RREB1: variants seen among roughly 807,000 people sequenced by gnomAD.
The protein encoded by RREB1 is ras-responsive element-binding protein 1.
In RREB1, 27 loss-of-function variants were observed where a neutral mutation model predicts 117.8. The observed-to-expected ratio is 0.23, with a 90% CI of 0.17 to 0.32. The LOEUF (loss-of-function observed/expected upper bound fraction) is 0.32, where lower values mean the gene tolerates loss of function less well. RREB1 is among the 10% of genes least tolerant of loss of function. The pLI, the probability that RREB1 is intolerant of heterozygous loss-of-function variation, is 1.00. For synonymous variants in RREB1, 1,298 were observed against 1,026.7 expected, an observed-to-expected ratio of 1.26 and a Z score of -5.05; for missense variants, 2,577 against 2,378.2, an observed-to-expected ratio of 1.08 and a Z score of -1.74.
intron 1 of RREB1, among the ~76,000 whole-genome samples, chr6:7,121,971 T>A (rs984296835): frequency 6.6e-6 from 1 of 152,204 alleles, no homozygotes; most frequent in African/African-American, 2.4e-5. Context: ...TTAGGATTTC[T>A]GCTTCCCGAG....
At chr6:7,159,057 A>G (rs1581468167) in intron 1 of RREB1, among the ~76,000 whole-genome samples, 2 of 152,162 alleles carry the variant, frequency 1.3e-5, no homozygotes, top group South Asian at 2.1e-4. Context: ...CCCTCCTTTT[A>G]TAGCCGATTT....
chr6:7,224,292 C>A (rs1767453316), intron 8 of RREB1, among the ~76,000 whole-genome samples: 2 of 152,106 alleles, frequency 1.3e-5, no homozygotes, highest in Admixed American at 1.3e-4. Flanking sequence ...CATTATATAT[C>A]TTTTTTTAAA....
At chr6:7,243,483 G>C (rs929291276) in intron 11 of RREB1, among the ~76,000 whole-genome samples, 4 of 152,226 alleles carry the variant, frequency 2.6e-5, no homozygotes, top group Non-Finnish European at 4.4e-5. Flanking sequence ...CATCAGCTCA[G>C]CTACCTGCAT....
chr6:7,194,181 C>T (rs1406414835), intron 6 of RREB1, among the ~76,000 whole-genome samples: 1 of 152,112 alleles, frequency 6.6e-6, no homozygotes, highest in South Asian at 2.1e-4. Context: ...TATAGCATAG[C>T]CCTTGGTACT....
intron 1 of RREB1, among the ~76,000 whole-genome samples, chr6:7,160,380 T>C (rs1763592771): frequency 6.6e-6 from 1 of 152,220 alleles, no homozygotes; most frequent in Non-Finnish European, 1.5e-5. Context: ...AAGCACTGTA[T>C]TCTCATGATA....
At chr6:7,185,150 T>C (rs1257667433) in intron 4 of RREB1, 1 of 152,152 alleles carries the variant, frequency 6.6e-6, no homozygotes, top group Non-Finnish European at 1.5e-5. Context: ...GATAAATGAG[T>C]ACGACTGGGA....
chr6:7,217,415 TGCAGGGA>T (rs1766966331), intron 8 of RREB1: 1 of 152,374 alleles, frequency 6.6e-6, no homozygotes, highest in African/African-American at 2.4e-5. Context: ...TGATGAGGGT[TGCAGGGA>T]GCAGGGAGTG....
intron 6 of RREB1, among the ~76,000 whole-genome samples, chr6:7,205,871 T>G (rs1287368956): frequency 6.6e-6 from 1 of 152,216 alleles, no homozygotes; most frequent in Non-Finnish European, 1.5e-5. Flanking sequence ...CCATTTAAGT[T>G]GAAAATCAGC....
intron 10 of RREB1, among the ~76,000 whole-genome samples, chr6:7,236,869 T>G (rs1221326100): frequency 4.0e-5 from 6 of 150,722 alleles, no homozygotes; most frequent in Non-Finnish European, 5.9e-5. Flanking sequence ...GGCTAATTTT[T>G]TTTGTTTGTT....
intron 11 of RREB1, among the ~76,000 whole-genome samples, chr6:7,245,745 T>A (rs898756797): frequency 6.6e-6 from 1 of 152,144 alleles, no homozygotes; most frequent in Non-Finnish European, 1.5e-5. Flanking sequence ...CCCCTCACTG[T>A]GTGCTGTTGC....
intron 1 of RREB1, among the ~76,000 whole-genome samples, chr6:7,156,468 T>G (rs191710331): frequency 1.3e-5 from 2 of 152,344 alleles, no homozygotes; most frequent in African/African-American, 4.8e-5. Context: ...TTTTTGCCTC[T>G]TAAGAGGGAA....
chr6:7,126,301 C>T (rs116345157), intron 1 of RREB1, among the ~76,000 whole-genome samples: 3,216 of 150,418 alleles, frequency 0.021, 42 homozygotes, highest in South Asian at 0.037. Context: ...CGCCCGGCCT[C>T]GATTCCCCCC....
chr6:7,242,111 C>T (rs1378075439), intron 11 of RREB1, among the ~76,000 whole-genome samples: 1 of 152,212 alleles, frequency 6.6e-6, no homozygotes, highest in Non-Finnish European at 1.5e-5. Context: ...TCCACAGTAG[C>T]GAAAGCAGCC....
At chr6:7,108,284 A>G (rs1359655238) in intron 1 of RREB1, among the ~76,000 whole-genome samples, 1 of 151,394 alleles carries the variant, frequency 6.6e-6, no homozygotes, top group Non-Finnish European at 1.5e-5. Context: ...TGAGCGGGGC[A>G]GCCCTCTCCC....
rs550169767 is a variant in RREB1 at position 7,230,340 on chromosome 6, C to T, written c.2241C>T (p.Ala747=). 15 of 1,590,446 alleles carry T rather than the reference C, an allele frequency of 9.4e-6. No homozygotes were observed. The highest frequency in any genetic ancestry group is 6.7e-5 in the South Asian group (6 of 90,010). ...VSSSAAELVD[A]FCAPDTVCRL... ...GCAGCGCGGCCGAGCTGGTGGACGCCTTCTGCGCCCCGGACACCGTGTGCC... is the reference window on the plus strand; with the variant it reads ...GCAGCGCGGCCGAGCTGGTGGACGCTTTCTGCGCCCCGGACACCGTGTGCC... Residue 747 remains alanine, a synonymous_variant, in exon 10 of 13, where the codon GCC becomes GCT. Transcript: ENST00000379938.
At chr6:7,201,518 A>AC (rs1765986618) in intron 6 of RREB1, among the ~76,000 whole-genome samples, 1 of 10,312 alleles carries the variant, frequency 9.7e-5, no homozygotes, top group Admixed American at 9.1e-4. Flanking sequence ...CCCCCATCCC[A>AC]CCCTCCCCAC....
chr6:7,200,271 TGTGTGTGTGTA>T (rs1232273993), intron 6 of RREB1, among the ~76,000 whole-genome samples: 43 of 122,114 alleles, frequency 3.5e-4, no homozygotes, highest in African/African-American at 1.6e-3. Context: ...TGTGTGTGTG[TGTGTGTGTGTA>T]TTTTTTTTTT....
At chr6:7,148,304 G>GA (rs1019196321) in intron 1 of RREB1, among the ~76,000 whole-genome samples, 1 of 151,970 alleles carries the variant, frequency 6.6e-6, no homozygotes, top group African/African-American at 2.4e-5. Flanking sequence ...GTTGGGGATG[G>GA]AAAAAAGCCA....
Position 7,226,469 on chromosome 6 carries a change from G to A in RREB1, c.710G>A (p.Cys237Tyr). Reference sequence around the variant, plus strand: ...ATGTTCTCCCTTTCCTCTCCTAGATGTGACATTTGTTGTGTCACCTTTCGA... The same window carrying A: ...ATGTTCTCCCTTTCCTCTCCTAGATATGACATTTGTTGTGTCACCTTTCGA... ...METHSDNPLR[C>Y]DICCVTFRTH... is the part of the protein sequence containing the mutation. Residue 237 changes from cysteine to tyrosine, a missense_variant and splice_region_variant, in exon 9 of 13, where the codon TGT (cysteine) becomes TAT (tyrosine). Cys to Tyr is a radical substitution (Grantham distance 194, BLOSUM62 -2). Coordinates refer to ENST00000379938, the MANE Select transcript of RREB1 (RefSeq NM_001003699.4). 6.2e-7 allele frequency: 1 copy of A among 1,609,420 alleles called. No individual in the cohort carries two copies. The highest frequency in any genetic ancestry group is 8.5e-7 in the Non-Finnish European group (1 of 1,177,304).
Sources: allele counts gnomAD v4.1 joint callset (sites outside exome capture counted in the v4.1 genomes callset), GRCh38; gene constraint gnomAD v4.1.1; transcripts MANE v1.5; gene names NCBI Gene and HGNC (gene_info 2026-07-23, HGNC 2026-07-21).